ASB3: variants seen among roughly 807,000 people sequenced by gnomAD.
ASB3 encodes ankyrin repeat and SOCS box protein 3.
A neutral mutation model predicts 54.5 loss-of-function variants in ASB3; 41 were observed. That is an observed-to-expected ratio of 0.75 (90% CI 0.59 to 0.98). The LOEUF (loss-of-function observed/expected upper bound fraction) is 0.98, where lower values mean the gene tolerates loss of function less well. Among genes scored for constraint, ASB3 ranks in the 50% least tolerant of loss-of-function variants. The pLI is 0.00. For synonymous variants in ASB3, 266 were observed against 221.2 expected, an observed-to-expected ratio of 1.20 and a Z score of -1.80; for missense variants, 733 against 620.0, an observed-to-expected ratio of 1.18 and a Z score of -1.94.
At chr2:53,714,714 C>T in intron 6 of ASB3, 133 bp from the exon 7 acceptor site, 1 of 828,068 alleles carries the variant, frequency 1.2e-6, no homozygotes, top group Non-Finnish European at 1.9e-6. Context: ...TAGGGTGTAC[C>T]TTCTACCAAC....
In ASB3 at chr2:53,676,851, C is replaced by A. The variant is rs568260549; in HGVS notation, c.1370-6161G>T. ...GTGGCACGATCTCAGCTCACTGCAA[C>A]TTTGCCTCCCAGGTTCAAGCAATTC... On this transcript the variant is annotated intron_variant, in intron 9 of 9. Transcript: ENST00000263634. Among the ~76,000 whole-genome samples the A allele has an allele frequency of 1.2e-4, 18 of 152,320 alleles. No individual in the cohort carries two copies. In the East Asian group the frequency reaches 3.5e-3, roughly 29 times the overall value.
chr2:53,705,228 G>T (rs1459938308), intron 7 of ASB3, among the ~76,000 whole-genome samples: 2 of 152,052 alleles, frequency 1.3e-5, no homozygotes, highest in African/African-American at 4.8e-5. Flanking sequence ...ATTTTCCAAT[G>T]ACTACTTACT....
intron 3 of ASB3, among the ~76,000 whole-genome samples, chr2:53,742,120 AG>A (rs1450839918): frequency 6.6e-6 from 1 of 152,238 alleles, no homozygotes; most frequent in African/African-American, 2.4e-5. Flanking sequence ...ATCCAAAAAA[AG>A]AATCACACAA....
intron 3 of ASB3, among the ~76,000 whole-genome samples, chr2:53,747,692 T>C (rs1044704259): frequency 2.0e-5 from 3 of 152,142 alleles, no homozygotes; most frequent in Admixed American, 2.0e-4. Flanking sequence ...GTTACAACAG[T>C]GAACAAGATG....
At chr2:53,718,255 G>GA (rs1374846368) in intron 5 of ASB3, among the ~76,000 whole-genome samples, 4 of 150,910 alleles carry the variant, frequency 2.7e-5, no homozygotes, top group East Asian at 2.0e-4. Flanking sequence ...TAACACTAAA[G>GA]AAAAAATCTT....
At chr2:53,711,051 G>A (rs556899899) in intron 7 of ASB3, among the ~76,000 whole-genome samples, 2 of 152,216 alleles carry the variant, frequency 1.3e-5, no homozygotes, top group South Asian at 4.1e-4. Context: ...AATTGCCTGA[G>A]CCCAGGGAAG....
chr2:53,725,754 G>A (rs145305105), intron 5 of ASB3, among the ~76,000 whole-genome samples: 10 of 152,082 alleles, frequency 6.6e-5, no homozygotes, highest in South Asian at 2.1e-4. Flanking sequence ...TTTTATGTAC[G>A]CAAAAACTAC....
intron 5 of ASB3, among the ~76,000 whole-genome samples, chr2:53,723,465 C>T (rs1346391395): frequency 6.6e-6 from 1 of 152,124 alleles, no homozygotes; most frequent in Middle Eastern, 3.2e-3. Context: ...AATTTGTGAT[C>T]TTTTATCCCT....
At chr2:53,749,558 C>T (rs946019782) in intron 3 of ASB3, among the ~76,000 whole-genome samples, 1 of 152,082 alleles carries the variant, frequency 6.6e-6, no homozygotes, top group African/African-American at 2.4e-5. Context: ...AAATATCCAA[C>T]TGATAAATGG....
chr2:53,716,649 G>A lies in ASB3; in HGVS notation c.699C>T (p.Ser233=). Residue 233 remains serine (S), a synonymous_variant, in exon 6 of 10, where the codon TCC becomes TCT. Coordinates refer to ENST00000263634, the MANE Select transcript of ASB3 (RefSeq NM_016115.5). ...AGTAAAGATCAGGATCTGCCCCACT[G>A]GAGAGCAAAAGCTCCACACATTTTG... ...GHTKCVELLL[S]SGADPDLYCN... 6.2e-7 allele frequency: 1 copy of A among 1,614,128 alleles called. No individual in the cohort carries two copies. Among genetic ancestry groups the A allele is most frequent in the Middle Eastern group, 1.6e-4 (1 of 6,062 alleles).
At chr2:53,772,235 C>T (rs1014184795) in intron 1 of ASB3, among the ~76,000 whole-genome samples, 1 of 152,046 alleles carries the variant, frequency 6.6e-6, no homozygotes, top group East Asian at 1.9e-4. Context: ...AGTGCAGTGG[C>T]GCGATCTCGG....
At chr2:53,672,063 A>G (rs555373836) in intron 9 of ASB3, among the ~76,000 whole-genome samples, 1 of 152,310 alleles carries the variant, frequency 6.6e-6, no homozygotes, top group East Asian at 1.9e-4. Flanking sequence ...CATCTTCAAT[A>G]TCTTCCAAGC....
intron 5 of ASB3, among the ~76,000 whole-genome samples, chr2:53,727,145 C>A (rs1303054306): frequency 1.3e-5 from 2 of 152,188 alleles, no homozygotes; most frequent in African/African-American, 4.8e-5. Flanking sequence ...TAAACATTCA[C>A]AGTCTGGACT....
At chr2:53,709,374 C>T (rs747108539) in intron 7 of ASB3, among the ~76,000 whole-genome samples, 26 of 152,300 alleles carry the variant, frequency 1.7e-4, no homozygotes, top group African/African-American at 6.3e-4. Flanking sequence ...GGAGACTCTG[C>T]CTAGGTTTCA....
intron 1 of ASB3, among the ~76,000 whole-genome samples, chr2:53,772,453 C>A (rs1453030305): frequency 6.6e-6 from 1 of 152,140 alleles, no homozygotes; most frequent in Non-Finnish European, 1.5e-5. Context: ...GGATTACAGG[C>A]ATGAGCCACC....
chr2:53,724,567 C>T (rs941863483), intron 5 of ASB3, among the ~76,000 whole-genome samples: 1 of 151,594 alleles, frequency 6.6e-6, no homozygotes, highest in Non-Finnish European at 1.5e-5. Context: ...CCACTGTACG[C>T]CATCCTGGGC....
rs75324094 is a variant in ASB3, at chr2:53,683,110, G to A, written c.1369+10774C>T. Among the ~76,000 whole-genome samples, 1,236 of 152,138 alleles carry A rather than the reference G, an allele frequency of 8.1e-3. 13 individuals carry two copies. The highest frequency in any genetic ancestry group is 0.028 in the African/African-American group (1,175 of 41,484). Reference sequence around the variant, plus strand: ...CCCTTTCACTATGATATGAGCTGTGGGTCTGTCATAAACGGTGTTTACTGA... The same window carrying A: ...CCCTTTCACTATGATATGAGCTGTGAGTCTGTCATAAACGGTGTTTACTGA... On this transcript the variant is annotated intron_variant, in intron 9 of 9. Coordinates refer to ENST00000263634, the MANE Select transcript of ASB3 (RefSeq NM_016115.5).
intron 5 of ASB3, among the ~76,000 whole-genome samples, chr2:53,726,256 A>AT (rs1670986711): frequency 6.9e-6 from 1 of 144,850 alleles, no homozygotes. Flanking sequence ...ATTTAATCTA[A>AT]ATTTTTTTTT....
chr2:53,706,695 T>C (rs924121603), intron 7 of ASB3, among the ~76,000 whole-genome samples: 4 of 152,138 alleles, frequency 2.6e-5, no homozygotes, highest in Non-Finnish European at 4.4e-5. Flanking sequence ...TCCGCCCACC[T>C]TGCCCTCCCA....
Sources: gnomAD v4.1 joint callset for allele counts (sites outside exome capture counted in the v4.1 genomes callset) on GRCh38, gnomAD v4.1.1 for gene constraint, MANE v1.5 for transcripts, NCBI Gene and HGNC (gene_info 2026-07-23, HGNC 2026-07-21) for gene names.